The following TMCC1 variants were observed in gnomAD, a reference collection of about 807,000 sequenced individuals.
TMCC1 encodes the protein transmembrane and coiled-coil domain family 1.
Under a neutral mutation model 52.4 loss-of-function variants are expected in TMCC1, and 15 were observed. That is an observed-to-expected ratio of 0.29 (90% CI 0.19 to 0.44). The LOEUF (loss-of-function observed/expected upper bound fraction) is 0.44. Among genes scored for constraint, TMCC1 ranks in the 20% least tolerant of loss-of-function variants. The pLI, the probability that TMCC1 is intolerant of heterozygous loss-of-function variation, is 1.00. For synonymous variants in TMCC1, 279 were observed against 301.9 expected, an observed-to-expected ratio of 0.92 and a Z score of 0.79; for missense variants, 503 against 806.0, an observed-to-expected ratio of 0.62 and a Z score of 4.55.
chr3:129,736,628 T>C (rs1218857424), intron 4 of TMCC1, among the ~76,000 whole-genome samples: 3 of 151,808 alleles, frequency 2.0e-5, no homozygotes, highest in Non-Finnish European at 2.9e-5. Flanking sequence ...TTCAAGTGAT[T>C]CTCCTGTCTC....
chr3:129,823,323 T>C (rs568684764), intron 4 of TMCC1, among the ~76,000 whole-genome samples: 2 of 61,532 alleles, frequency 3.3e-5, no homozygotes, highest in South Asian at 9.6e-4. Flanking sequence ...CGAAATTCCA[T>C]CTCAAACAAA....
intron 4 of TMCC1, among the ~76,000 whole-genome samples, chr3:129,757,150 A>C (rs2053085536): frequency 6.6e-6 from 1 of 152,132 alleles, no homozygotes; most frequent in Admixed American, 6.6e-5. Context: ...CATACAAATA[A>C]GTTTCCCCTT....
At chr3:129,680,827 G>A (rs1023411180) in intron 4 of TMCC1, among the ~76,000 whole-genome samples, 1 of 151,998 alleles carries the variant, frequency 6.6e-6, no homozygotes, top group Non-Finnish European at 1.5e-5. Context: ...CTTGAACCGG[G>A]GGGTGGAGGT....
intron 4 of TMCC1, among the ~76,000 whole-genome samples, chr3:129,794,819 TCC>T (rs2056711583): frequency 6.6e-6 from 1 of 151,762 alleles, no homozygotes; most frequent in African/African-American, 2.4e-5. Flanking sequence ...CACCAATTCC[TCC>T]CCTCTTCAGC....
intron 2 of TMCC1, among the ~76,000 whole-genome samples, chr3:129,862,300 T>C (rs2060431629): frequency 6.6e-6 from 1 of 152,184 alleles, no homozygotes; most frequent in Admixed American, 6.5e-5. Flanking sequence ...TGGTGATGGT[T>C]GTACCGCTCT....
At chr3:129,712,999 C>T (rs1253817111) in intron 4 of TMCC1, among the ~76,000 whole-genome samples, 2 of 152,156 alleles carry the variant, frequency 1.3e-5, no homozygotes, top group Non-Finnish European at 2.9e-5. Context: ...TGGTGGCTCA[C>T]ACCAGTAATC....
chr3:129,695,312 G>T (rs974636124), intron 4 of TMCC1, among the ~76,000 whole-genome samples: 1 of 151,974 alleles, frequency 6.6e-6, no homozygotes, highest in African/African-American at 2.4e-5. Flanking sequence ...TTTGTCTTTG[G>T]CTAGGTTGTT....
chr3:129,847,660 G>A (rs1329180981), intron 2 of TMCC1: 1 of 152,094 alleles, frequency 6.6e-6, no homozygotes, highest in Non-Finnish European at 1.5e-5. Flanking sequence ...TCTTTTTTGT[G>A]GATATACAGT....
chr3:129,701,949 C>T (rs2047868384), intron 4 of TMCC1, among the ~76,000 whole-genome samples: 2 of 151,892 alleles, frequency 1.3e-5, no homozygotes, highest in South Asian at 4.2e-4. Flanking sequence ...AATGATTCAC[C>T]TGATTCTTGT....
intron 4 of TMCC1, among the ~76,000 whole-genome samples, chr3:129,750,437 C>G (rs1340434720): frequency 6.6e-6 from 1 of 151,980 alleles, no homozygotes; most frequent in African/African-American, 2.4e-5. Context: ...GGCAATCCAC[C>G]TGCCTCACCC....
intron 4 of TMCC1, among the ~76,000 whole-genome samples, chr3:129,796,604 G>A (rs1037851958): frequency 9.2e-5 from 14 of 152,120 alleles, no homozygotes; most frequent in African/African-American, 3.4e-4. Context: ...AGGATCACTT[G>A]ACACCAGGAG....
chr3:129,663,320 A>G (rs927549781), intron 5 of TMCC1, among the ~76,000 whole-genome samples: 1 of 152,192 alleles, frequency 6.6e-6, no homozygotes, highest in Non-Finnish European at 1.5e-5. Context: ...GCAGGTATTG[A>G]GAGAAACAGG....
At chr3:129,785,933 CTTT>C (rs11391336) in intron 4 of TMCC1, among the ~76,000 whole-genome samples, 6,567 of 127,592 alleles carry the variant, frequency 0.051, 597 homozygotes, top group East Asian at 0.39. Context: ...CCCTCACCCC[CTTT>C]TTTTTTTTTT....
intron 4 of TMCC1, among the ~76,000 whole-genome samples, chr3:129,711,621 G>A (rs1167809487): frequency 1.3e-5 from 2 of 151,932 alleles, no homozygotes; most frequent in Non-Finnish European, 2.9e-5. Context: ...GAGGTGGGTG[G>A]ATTACTTCAG....
intron 4 of TMCC1, among the ~76,000 whole-genome samples, chr3:129,728,720 A>G (rs1190839603): frequency 6.6e-6 from 1 of 152,244 alleles, no homozygotes; most frequent in Non-Finnish European, 1.5e-5. Context: ...GAAGTTCCAA[A>G]AGACTTCCTT....
chr3:129,749,384 T>C (rs1449118916), intron 4 of TMCC1, among the ~76,000 whole-genome samples: 1 of 152,118 alleles, frequency 6.6e-6, no homozygotes, highest in Admixed American at 6.6e-5. Context: ...ATATTAAACT[T>C]ATAAAATCCT....
intron 4 of TMCC1, among the ~76,000 whole-genome samples, chr3:129,734,939 G>A (rs1576625290): frequency 6.9e-6 from 1 of 145,346 alleles, no homozygotes; most frequent in South Asian, 2.2e-4. Flanking sequence ...GTCTCGCCCT[G>A]TCACCCAGGC....
chr3:129,725,868 G>A (rs1479122871), intron 4 of TMCC1, among the ~76,000 whole-genome samples: 1 of 152,156 alleles, frequency 6.6e-6, no homozygotes, highest in Non-Finnish European at 1.5e-5. Flanking sequence ...AAAAGTCTGG[G>A]AAAGCAGTAA....
chr3:129,780,160 T>A (rs1196974202), intron 4 of TMCC1, among the ~76,000 whole-genome samples: 1 of 152,156 alleles, frequency 6.6e-6, no homozygotes, highest in Non-Finnish European at 1.5e-5. Flanking sequence ...CAAATTTTAC[T>A]ACTTTACCAA....
Sources: allele counts gnomAD v4.1 joint callset (sites outside exome capture counted in the v4.1 genomes callset), GRCh38; gene constraint gnomAD v4.1.1; transcripts MANE v1.5; gene names NCBI Gene and HGNC (gene_info 2026-07-23, HGNC 2026-07-21).